Variants in KLF17 observed in about 807,000 individuals in gnomAD.
KLF17 encodes Krueppel-like factor 17.
KLF17 carries 31 observed loss-of-function variants against 34.2 expected under a neutral mutation model. That is an observed-to-expected ratio of 0.91 (90% confidence interval 0.68 to 1.22). The LOEUF is 1.22. Among genes scored for constraint, KLF17 ranks in the 50% most tolerant of loss-of-function variants. KLF17 has a pLI of 0.00. For missense variants in KLF17, 478 were observed against 505.2 expected (o/e 0.95, Z 0.52); for synonymous variants, 179 against 186.7 (o/e 0.96, Z 0.34).
At chr1:44,058,961 T>C in the KLF17 span, among the ~76,000 whole-genome samples, 2 of 152,094 alleles carry the variant, frequency 1.3e-5, no homozygotes, top group Admixed American at 6.5e-5. Context: ...GACTTAGTCT[T>C]AGTAAAAACT....
upstream of KLF17, among the ~76,000 whole-genome samples, chr1:44,118,506 C>T (rs974417277): frequency 6.6e-6 from 1 of 152,318 alleles, no homozygotes; most frequent in South Asian, 2.1e-4. Context: ...TTGCCTCTCT[C>T]TCCAGCCTCG....
chr1:44,129,449 C>T lies in KLF17; in HGVS notation c.178C>T (p.His60Tyr), dbSNP rs1371277195. 1 of 1,603,764 alleles carries T rather than the reference C, an allele frequency of 6.2e-7. No individual in the cohort carries two copies. Among genetic ancestry groups the T allele is most frequent in the East Asian group, 2.2e-5 (1 of 44,780 alleles). The change falls in exon 2 of 4, where the codon CAC (histidine) becomes TAC (tyrosine). Residue 60 changes from histidine (H) to tyrosine (Y), a missense_variant. Physicochemically the swap from His to Tyr is moderately conservative, Grantham distance 83. Transcript: ENST00000372299. The stretch of plus-strand genomic sequence containing the variant: ...GAACCAAGGCCTACCAAGCATTCAG[C>T]ACTTTCCTCACAGCGCAGAGATGCT... ...SWNQGLPSIQ[H>Y]FPHSAEMLGS... is the part of the protein sequence containing the mutation.
At chr1:44,130,777 C>A (rs761955876) in intron 3 of KLF17, 21 bp downstream of exon 3, 2 of 1,608,954 alleles carry the variant, frequency 1.2e-6, no homozygotes, top group Non-Finnish European at 1.7e-6. Context: ...TCTCCTCATT[C>A]TGGGTTTTCT....
At chr1:44,059,295 C>A in the KLF17 span, among the ~76,000 whole-genome samples, 1 of 152,166 alleles carries the variant, frequency 6.6e-6, no homozygotes, top group Admixed American at 6.5e-5. Context: ...CTTTAGCCAA[C>A]CTCTTGGGAA....
chr1:44,092,561 AAC>A, the KLF17 span, among the ~76,000 whole-genome samples: 6 of 152,224 alleles, frequency 3.9e-5, no homozygotes, highest in Admixed American at 6.5e-5. Flanking sequence ...AAAATGCTGT[AAC>A]ACAACACACC....
chr1:44,066,645 T>C, the KLF17 span, among the ~76,000 whole-genome samples: 4 of 152,198 alleles, frequency 2.6e-5, no homozygotes, highest in Non-Finnish European at 5.9e-5. Context: ...AACAATCACA[T>C]ACCCAGATAT....
At chr1:44,120,687 G>A (rs2087935680) in intron 1 of KLF17, among the ~76,000 whole-genome samples, 1 of 152,216 alleles carries the variant, frequency 6.6e-6, no homozygotes, top group Non-Finnish European at 1.5e-5. Context: ...TGCCATGAAG[G>A]ACTGGGAAAA....
At chr1:44,053,061 A>G in the KLF17 span, among the ~76,000 whole-genome samples, 1,104 of 151,948 alleles carry the variant, frequency 7.3e-3, 15 homozygotes, top group African/African-American at 0.025. Context: ...TACCATGACC[A>G]ACTAATTTTT....
chr1:44,121,929 G>T (rs1323548820), intron 1 of KLF17, among the ~76,000 whole-genome samples: 1 of 152,178 alleles, frequency 6.6e-6, no homozygotes, highest in Non-Finnish European at 1.5e-5. Context: ...CCAGTGTCCA[G>T]TTCCCTACCA....
chr1:44,078,403 G>A, the KLF17 span, among the ~76,000 whole-genome samples: 2 of 151,544 alleles, frequency 1.3e-5, no homozygotes, highest in Non-Finnish European at 2.9e-5. Flanking sequence ...AGAGGAAGGG[G>A]CTCCTCTTCC....
chr1:44,054,505 G>A, the KLF17 span, among the ~76,000 whole-genome samples: 15 of 111,638 alleles, frequency 1.3e-4, no homozygotes, highest in Non-Finnish European at 2.2e-4. Context: ...TTTTGAGACA[G>A]AGTCTTGCTC....
intron 1 of KLF17, among the ~76,000 whole-genome samples, chr1:44,127,610 C>CTTTCTTTCT (rs1571989816): frequency 1.2e-4 from 11 of 89,380 alleles, no homozygotes; most frequent in Non-Finnish European, 2.4e-4. Flanking sequence ...CCCTTTCTTT[C>CTTTCTTTCT]TTTCTTTTCT....
the KLF17 span, among the ~76,000 whole-genome samples, chr1:44,061,662 A>G: frequency 6.6e-6 from 1 of 152,216 alleles, no homozygotes; most frequent in East Asian, 1.9e-4. Flanking sequence ...TCATGCCTGT[A>G]ATTCCAGCGC....
the KLF17 span, among the ~76,000 whole-genome samples, chr1:44,098,018 A>G: frequency 1.3e-5 from 2 of 152,136 alleles, no homozygotes; most frequent in African/African-American, 4.8e-5. Context: ...TCTGTTGCCC[A>G]GGCTGGAGTG....
intron 1 of KLF17, among the ~76,000 whole-genome samples, chr1:44,127,639 CTTCTTTCTTTCTTTCTTTCTTTCT>C (rs34643385): frequency 3.2e-4 from 25 of 77,340 alleles, no homozygotes; most frequent in Non-Finnish European, 6.0e-4. Context: ...CTTTTCTTTC[CTTCTTTCTTTCTTTCTTTCTTTCT>C]TTCTTTCTTT....
the KLF17 span, chr1:44,103,269 G>T: frequency 4.3e-6 from 3 of 695,462 alleles, no homozygotes; most frequent in African/African-American, 5.2e-5. Flanking sequence ...TGGGGCAGCC[G>T]CAGGAGGGGC....
the KLF17 span, among the ~76,000 whole-genome samples, chr1:44,069,646 G>T: frequency 3.9e-5 from 6 of 152,104 alleles, no homozygotes; most frequent in Non-Finnish European, 8.8e-5. This position sits in a 1 kb window ranked among gnomAD's most constrained non-coding sequence, Gnocchi z 4.7. Context: ...CTCCCACTAG[G>T]CCCCACCTCC....
chr1:44,100,200 G>A, the KLF17 span, among the ~76,000 whole-genome samples: 5 of 150,956 alleles, frequency 3.3e-5, no homozygotes, highest in Admixed American at 3.3e-4. Flanking sequence ...AGAGATTGCA[G>A]TGAGCCGAGA....
rs552981916 is a variant in KLF17, at chr1:44,133,992, A to G, written c.*755A>G. 1.8e-4 allele frequency: 27 copies of G among 152,284 alleles called. No individual in the cohort carries two copies. Among genetic ancestry groups the G allele is most frequent in the African/African-American group, 6.5e-4 (27 of 41,546 alleles). 9.4% of individuals were successfully genotyped at this position (152,284 alleles called of 1,614,324 possible). On this transcript the variant is annotated 3_prime_UTR_variant, in exon 4 of 4. Transcript: ENST00000372299. ...TCATCTCGGGTTCACTGGGCCAGGG[A>G]TGGTCTCTGTTCCCCAGCCCACCTG...
Sources: gnomAD v4.1 joint callset for allele counts (sites outside exome capture counted in the v4.1 genomes callset) on GRCh38, gnomAD v4.1.1 for gene constraint, Gnocchi (gnomAD v3.1) non-coding constraint, MANE v1.5 for transcripts, NCBI Gene and HGNC (gene_info 2026-07-23, HGNC 2026-07-21) for gene names.